The following LRPPRC variants were observed in gnomAD, a reference collection of about 807,000 sequenced individuals.
LRPPRC encodes the protein leucine rich pentatricopeptide repeat containing.
In LRPPRC, 120 loss-of-function variants were observed where a neutral mutation model predicts 180.3. The ratio of observed to expected loss-of-function variants is 0.67; its 90% CI spans 0.57 to 0.77. The LOEUF (loss-of-function observed/expected upper bound fraction) is 0.77. Ranked by LOEUF, LRPPRC falls within the 30% of genes least tolerant of loss-of-function variation. The pLI is 0.00. For missense variants in LRPPRC, 2,012 were observed against 1,657.2 expected, an observed-to-expected ratio of 1.21 and a Z score of -3.72; for synonymous variants, 723 against 600.0, an observed-to-expected ratio of 1.21 and a Z score of -3.00.
intron 11 of LRPPRC, among the ~76,000 whole-genome samples, chr2:43,965,235 C>T (rs952300237): frequency 1.3e-5 from 2 of 151,990 alleles, no homozygotes; most frequent in Admixed American, 6.6e-5. Context: ...CTCCTGACCT[C>T]GTGATCCTAG....
intron 15 of LRPPRC, 121 bp downstream of exon 15, chr2:43,950,452 G>A (rs1042009835): frequency 8.1e-6 from 7 of 860,938 alleles, no homozygotes; most frequent in African/African-American, 5.1e-5. Flanking sequence ...CATTAACTCT[G>A]CCAGCAAAAT....
intron 32 of LRPPRC, among the ~76,000 whole-genome samples, chr2:43,900,193 A>G (rs114200381): frequency 0.016 from 2,433 of 152,276 alleles, 33 homozygotes; most frequent in Non-Finnish European, 0.024. Context: ...AATCTCAGGA[A>G]AAAGTATCTT....
chr2:43,947,291 A>C lies in LRPPRC; in HGVS notation c.2045T>G (p.Leu682Arg), dbSNP rs756228235. The C allele has an allele frequency of 1.9e-6, 3 of 1,601,014 alleles. No individual in the cohort carries two copies. Among genetic ancestry groups the C allele is most frequent in the Non-Finnish European group, 1.7e-6 (2 of 1,169,546 alleles). The part of the protein sequence containing the change: ...KAENQPIRDV[L>R]KQLILVLCSE... Reference sequence around the variant, plus strand: ...ACAAAGCACTAATATGAGTTGCTTTAGGACATCTCTTATAGGTTGATTTTC... The same window carrying C: ...ACAAAGCACTAATATGAGTTGCTTTCGGACATCTCTTATAGGTTGATTTTC... Residue 682 changes from leucine to arginine, a missense_variant, in exon 20 of 38, where the codon CTA becomes CGA. Physicochemically the swap from Leu to Arg is moderately radical, Grantham distance 102. Coordinates refer to ENST00000260665, the MANE Select transcript of LRPPRC (RefSeq NM_133259.4).
intron 30 of LRPPRC, among the ~76,000 whole-genome samples, chr2:43,909,432 A>G (rs377646962): frequency 6.6e-5 from 10 of 152,270 alleles, no homozygotes; most frequent in African/African-American, 2.4e-4. Flanking sequence ...TAGACACCAA[A>G]GACTGGGAGG....
Position 43,886,881 on chromosome 2 carries a change from C to T in LRPPRC, c.*1719G>A, listed in dbSNP as rs1670288640. 1 of 152,236 alleles carries T rather than the reference C, an allele frequency of 6.6e-6. No homozygotes were observed. The highest frequency in any genetic ancestry group is 1.5e-5 in the Non-Finnish European group (1 of 68,130). 9.4% of individuals were successfully genotyped at this position (152,236 alleles called of 1,614,324 possible). A position where few individuals can be genotyped will look rare whatever the true frequency, so the allele number is the denominator to read the frequency against. On this transcript the variant is annotated 3_prime_UTR_variant, in exon 38 of 38. Coordinates refer to ENST00000260665, the MANE Select transcript of LRPPRC (RefSeq NM_133259.4). ...CTTGGCCAGGCGTGGTGGCTCACAC[C>T]TGTAATCCCAGCACTTTGGGAGGCT...
chr2:43,908,363 C>T (rs1218777452), intron 30 of LRPPRC, among the ~76,000 whole-genome samples: 1 of 152,048 alleles, frequency 6.6e-6, no homozygotes, highest in Non-Finnish European at 1.5e-5. Flanking sequence ...GCTTATTGAA[C>T]ATTTTTAAAA....
intron 12 of LRPPRC, among the ~76,000 whole-genome samples, chr2:43,962,488 TTAGG>T (rs1391703283): frequency 6.6e-6 from 1 of 152,230 alleles, no homozygotes; most frequent in Non-Finnish European, 1.5e-5. Context: ...ATGTTCCTTA[TTAGG>T]TATTAGGTGC....
chr2:43,894,130 G>C (rs906644194), intron 36 of LRPPRC, among the ~76,000 whole-genome samples: 1 of 152,054 alleles, frequency 6.6e-6, no homozygotes, highest in Non-Finnish European at 1.5e-5. Flanking sequence ...CAGGCAAGCA[G>C]AGAGGGTACT....
At chr2:43,970,560 A>G (rs942333085) in intron 11 of LRPPRC, among the ~76,000 whole-genome samples, 2 of 152,242 alleles carry the variant, frequency 1.3e-5, no homozygotes, top group African/African-American at 2.4e-5. Context: ...CTGTGAACAC[A>G]GAAAGTCTAA....
chr2:43,923,866 G>C (rs1234986961), intron 27 of LRPPRC, among the ~76,000 whole-genome samples: 1 of 152,098 alleles, frequency 6.6e-6, no homozygotes, highest in Non-Finnish European at 1.5e-5. Flanking sequence ...AGGTAGAGTG[G>C]AATGTTAGTG....
chr2:43,918,446 G>A, intron 27 of LRPPRC, 48 bp from the exon 28 acceptor site: 1 of 1,279,356 alleles, frequency 7.8e-7, no homozygotes, highest in Non-Finnish European at 1.1e-6. Flanking sequence ...ATGCTAAACA[G>A]AATACACAAA....
intron 27 of LRPPRC, among the ~76,000 whole-genome samples, chr2:43,924,191 G>A (rs1671795354): frequency 6.6e-6 from 1 of 151,858 alleles, no homozygotes; most frequent in South Asian, 2.1e-4. Context: ...CAAGAGAAAA[G>A]AAGAACAATA....
At chr2:43,891,900 A>AG (rs1175088844) in intron 36 of LRPPRC, among the ~76,000 whole-genome samples, 1 of 152,258 alleles carries the variant, frequency 6.6e-6, no homozygotes, top group African/African-American at 2.4e-5. Context: ...GAAATTAAAA[A>AG]GGTGCTACTT....
At chr2:43,901,848 G>T in intron 31 of LRPPRC, 1 of 250,198 alleles carries the variant, frequency 4.0e-6, no homozygotes, top group Non-Finnish European at 7.8e-6. Flanking sequence ...AAATAAGAAA[G>T]ATTTTCTAGA....
intron 22 of LRPPRC, 67 bp from the exon 23 acceptor site, chr2:43,943,961 C>G: frequency 8.8e-7 from 1 of 1,132,342 alleles, no homozygotes; most frequent in Non-Finnish European, 1.3e-6. Context: ...GCTATTAAAA[C>G]AGCATTTCAA....
chr2:43,916,449 G>C (rs1271761319), intron 29 of LRPPRC, among the ~76,000 whole-genome samples: 4 of 152,056 alleles, frequency 2.6e-5, no homozygotes, highest in Admixed American at 6.5e-5. Context: ...TAGAGAAAGG[G>C]AAAGAGTCAA....
At position 43,974,198 on chromosome 2, in the gene LRPPRC, T is replaced by C; in HGVS notation, c.1107A>G (p.Pro369=). Residue 369 remains proline (P), a synonymous_variant, in exon 9 of 38, where the codon CCA becomes CCG. Transcript: ENST00000260665. ...LACPVSKEDG[P]SVFGSFFLQH... ...GTAAAAAGAAACTGCCAAAGACACT[T>C]GGGCCATCTTCCTTTGATACGGGGC... is the stretch of plus-strand genomic sequence containing the variant. 10 of 1,613,434 alleles carry C rather than the reference T, an allele frequency of 6.2e-6. No homozygotes were observed. The highest frequency in any genetic ancestry group is 8.5e-6 in the Non-Finnish European group (10 of 1,179,350).
intron 3 of LRPPRC, 45 bp from the exon 4 acceptor site, chr2:43,977,321 T>C: frequency 2.0e-6 from 3 of 1,510,148 alleles, no homozygotes; most frequent in Non-Finnish European, 2.8e-6. Flanking sequence ...GCATTGAAAA[T>C]CCTATGCTTT....
intron 1 of LRPPRC, among the ~76,000 whole-genome samples, chr2:43,985,956 A>G (rs1025630596): frequency 6.6e-6 from 1 of 152,170 alleles, no homozygotes; most frequent in Non-Finnish European, 1.5e-5. Context: ...CTGTTGTCCT[A>G]CATGCTTGCC....
Sources: allele counts gnomAD v4.1 joint callset (sites outside exome capture counted in the v4.1 genomes callset), GRCh38; gene constraint gnomAD v4.1.1; transcripts MANE v1.5; gene names NCBI Gene and HGNC (gene_info 2026-07-23, HGNC 2026-07-21).